Variants in CFAP61 observed in about 807,000 individuals in gnomAD.
CFAP61 encodes cilia- and flagella-associated protein 61.
Under a neutral mutation model 135.6 loss-of-function variants are expected in CFAP61, and 107 were observed. The observed-to-expected ratio is 0.79, with a 90% CI of 0.67 to 0.93. CFAP61 has a LOEUF of 0.93. CFAP61 is among the 40% of genes least tolerant of loss of function. The probability of loss-of-function intolerance (pLI) is 0.00; values close to 1 mark genes in which losing one functional copy is unlikely to be tolerated. For synonymous variants in CFAP61, 575 were observed against 578.5 expected (o/e 0.99, Z 0.09); for missense variants, 1,507 against 1,556.2 (o/e 0.97, Z 0.53).
chr20:20,162,903 C>T (rs118175899), intron 10 of CFAP61, among the ~76,000 whole-genome samples: 7,075 of 152,024 alleles, frequency 0.047, 254 homozygotes, highest in Non-Finnish European at 0.069. Context: ...CGGATTTAAC[C>T]CTGAATTGTG....
At chr20:20,275,149 T>C (rs1023700971) in intron 21 of CFAP61, among the ~76,000 whole-genome samples, 3 of 152,260 alleles carry the variant, frequency 2.0e-5, no homozygotes, top group South Asian at 2.1e-4. Flanking sequence ...TCCCCATAGA[T>C]AGCAAATGCC....
intron 8 of CFAP61, among the ~76,000 whole-genome samples, chr20:20,125,156 T>C (rs189277856): frequency 6.6e-6 from 1 of 151,890 alleles, no homozygotes; most frequent in African/African-American, 2.4e-5. Flanking sequence ...TTTATTTATC[T>C]TTTCAAAGAA....
chr20:20,205,128 G>A (rs1161308473), intron 17 of CFAP61, among the ~76,000 whole-genome samples: 1 of 152,044 alleles, frequency 6.6e-6, no homozygotes, highest in Non-Finnish European at 1.5e-5. Context: ...TTCACCAGAA[G>A]GACTTATAAA....
intron 8 of CFAP61, among the ~76,000 whole-genome samples, chr20:20,109,900 T>C (rs115607864): frequency 4.9e-4 from 75 of 152,176 alleles, no homozygotes; most frequent in African/African-American, 1.8e-3. Flanking sequence ...TCTAATTGCC[T>C]GATTCATTCT....
At position 20,288,855 on chromosome 20, in the gene CFAP61, G is replaced by T; in HGVS notation, c.3043G>T (p.Asp1015Tyr). The change falls in exon 23 of 27, where the codon GAT (aspartate) becomes TAT (tyrosine). Residue 1015 changes from aspartate to tyrosine, a missense_variant. By Grantham distance (160) the Asp-to-Tyr change is radical. Coordinates refer to ENST00000245957, the MANE Select transcript of CFAP61 (RefSeq NM_015585.4). ...GGCAGCAGCTATGCTACATCTCTTT[G>T]ATCCAACCCTTGAGCCTGTGACCGA... ...QLAAAMLHLF[D>Y]PTLEPVTEPP... 1 of 1,614,136 alleles carries T rather than the reference G, an allele frequency of 6.2e-7. No individual in the cohort carries two copies. The highest frequency in any genetic ancestry group is 1.1e-5 in the South Asian group (1 of 91,066).
intron 6 of CFAP61, among the ~76,000 whole-genome samples, chr20:20,090,498 T>C (rs1480800687): frequency 6.6e-6 from 1 of 152,064 alleles, no homozygotes; most frequent in Non-Finnish European, 1.5e-5. Flanking sequence ...GAAACCATCC[T>C]GGCCAACATG....
chr20:20,313,959 T>A (rs1192859410), intron 25 of CFAP61, among the ~76,000 whole-genome samples: 1 of 152,066 alleles, frequency 6.6e-6, no homozygotes, highest in African/African-American at 2.4e-5. Flanking sequence ...GAGAACCAAT[T>A]CAGTTTCTCC....
chr20:20,241,947 A>G (rs2050040657), intron 18 of CFAP61, among the ~76,000 whole-genome samples: 1 of 152,182 alleles, frequency 6.6e-6, no homozygotes, highest in Non-Finnish European at 1.5e-5. Context: ...TTAGAGGATA[A>G]GATGTGCTCA....
Position 20,349,465 on chromosome 20 carries a change from G to A in CFAP61, c.3513+7544G>A, listed in dbSNP as rs115644117. On this transcript the variant is annotated intron_variant, in intron 26 of 26. Coordinates refer to ENST00000245957, the MANE Select transcript of CFAP61 (RefSeq NM_015585.4). ...AGAGTGAGAACTCACTCATTACCACGAGGACAGCAGCAAGCCATTCATGAG... is the reference window on the plus strand; with the variant it reads ...AGAGTGAGAACTCACTCATTACCACAAGGACAGCAGCAAGCCATTCATGAG... Among the ~76,000 whole-genome samples the A allele has an allele frequency of 7.7e-3, 1,177 of 152,176 alleles. 16 individuals carry two copies. Among genetic ancestry groups the A allele is most frequent in the African/African-American group, 0.027 (1,120 of 41,508 alleles).
intron 2 of CFAP61, among the ~76,000 whole-genome samples, chr20:20,065,220 T>C (rs957012091): frequency 8.5e-5 from 13 of 152,276 alleles, no homozygotes; most frequent in Middle Eastern, 3.4e-3. Flanking sequence ...GACAGAACCT[T>C]CTGGATTCCA....
At chr20:20,155,682 T>A (rs1052931649) in intron 9 of CFAP61, among the ~76,000 whole-genome samples, 6 of 152,132 alleles carry the variant, frequency 3.9e-5, no homozygotes, top group African/African-American at 1.4e-4. Flanking sequence ...TCAACACCAC[T>A]AATTATCAGG....
chr20:20,071,816 C>G (rs2045725599), intron 3 of CFAP61, among the ~76,000 whole-genome samples: 1 of 152,202 alleles, frequency 6.6e-6, no homozygotes. Context: ...TTCCCCTCAT[C>G]TTTTGTGTTC....
intron 2 of CFAP61, among the ~76,000 whole-genome samples, chr20:20,060,652 G>A (rs775340426): frequency 6.6e-6 from 1 of 152,160 alleles, no homozygotes; most frequent in Admixed American, 6.5e-5. Context: ...TGTCACTTAC[G>A]CCTTTGTGTA....
intron 24 of CFAP61, among the ~76,000 whole-genome samples, chr20:20,294,432 T>C (rs970141136): frequency 6.6e-6 from 1 of 152,210 alleles, no homozygotes; most frequent in African/African-American, 2.4e-5. Flanking sequence ...GTGATGCTAA[T>C]GTGGTGCCAA....
chr20:20,080,297 A>G (rs1321159739), intron 6 of CFAP61, among the ~76,000 whole-genome samples: 2 of 152,196 alleles, frequency 1.3e-5, no homozygotes, highest in Non-Finnish European at 2.9e-5. Context: ...TTCACTTAAC[A>G]TAGCATCTCA....
At chr20:20,146,120 C>G (rs1407135877) in intron 9 of CFAP61, among the ~76,000 whole-genome samples, 1 of 152,144 alleles carries the variant, frequency 6.6e-6, no homozygotes, top group East Asian at 1.9e-4. Context: ...GGGAAGTGCT[C>G]TCTGGATGCT....
chr20:20,160,906 A>T lies in CFAP61; in HGVS notation c.1026+1462A>T, dbSNP rs371927703. 1.9e-4 allele frequency among the ~76,000 whole-genome samples: 29 copies of T among 152,210 alleles called. 1 individual carries two copies. The East Asian group carries it at 5.4e-3, about 28-fold the overall frequency. ...CCAGCTCCTTCACCTCTTAGGTGGG[A>T]CCACTCTGCACTGTGTTCTCTAGGC... On this transcript the variant is annotated intron_variant, in intron 10 of 26. Coordinates refer to ENST00000245957, the MANE Select transcript of CFAP61 (RefSeq NM_015585.4).
intron 16 of CFAP61, among the ~76,000 whole-genome samples, chr20:20,199,238 T>TTTGTTG (rs3060485): frequency 3.8e-4 from 58 of 151,972 alleles, no homozygotes; most frequent in East Asian, 2.9e-3. Context: ...TAAAACAGTT[T>TTTGTTG]TTGTTGTTGT....
At chr20:20,351,381 G>C (rs2058827776) in intron 26 of CFAP61, among the ~76,000 whole-genome samples, 1 of 152,238 alleles carries the variant, frequency 6.6e-6, no homozygotes, top group African/African-American at 2.4e-5. Context: ...GGGAGTTCAA[G>C]ACCAGCCTGG....
Sources: gnomAD v4.1 joint callset for allele counts (sites outside exome capture counted in the v4.1 genomes callset) on GRCh38, gnomAD v4.1.1 for gene constraint, MANE v1.5 for transcripts, NCBI Gene and HGNC (gene_info 2026-07-23, HGNC 2026-07-21) for gene names.